ATPAF1: variants seen among roughly 807,000 people sequenced by gnomAD.
ATPAF1 encodes ATP synthase mitochondrial F1 complex assembly factor 1, also known as homolog of yeast ATP11.
Under a neutral mutation model 43.9 loss-of-function variants are expected in ATPAF1, and 26 were observed. The ratio of observed to expected loss-of-function variants is 0.59; its 90% CI spans 0.43 to 0.82. ATPAF1 has a LOEUF of 0.82. Ranked by LOEUF, ATPAF1 falls within the 40% of genes least tolerant of loss-of-function variation. The pLI, the probability that ATPAF1 is intolerant of heterozygous loss-of-function variation, is 0.00. For synonymous variants in ATPAF1, 157 were observed against 168.0 expected, an observed-to-expected ratio of 0.93 and a Z score of 0.50; for missense variants, 366 against 435.0, an observed-to-expected ratio of 0.84 and a Z score of 1.41.
downstream of ATPAF1, chr1:46,633,895 G>C: frequency 2.2e-6 from 1 of 452,632 alleles, no homozygotes. Context: ...AAAAATTCTT[G>C]GGACCCAAAA....
At chr1:46,668,368 C>T (rs1293191956), upstream of ATPAF1, 5 of 1,271,062 alleles carry the variant, frequency 3.9e-6, no homozygotes, top group South Asian at 1.2e-4. The surrounding 1 kb of genome is among the most constrained non-coding windows in gnomAD (Gnocchi z 4.4). Flanking sequence ...CGGCCTCGGC[C>T]CGCGGCCCGC....
intron 8 of ATPAF1, among the ~76,000 whole-genome samples, chr1:46,637,187 G>A (rs1377083805): frequency 6.6e-6 from 1 of 152,198 alleles, no homozygotes; most frequent in Non-Finnish European, 1.5e-5. Context: ...AGCAATAGCA[G>A]AGAAATGGTG....
chr1:46,633,189 A>G (rs1362487808), downstream of ATPAF1: 1 of 154,464 alleles, frequency 6.5e-6, no homozygotes, highest in African/African-American at 2.4e-5. Flanking sequence ...AAAGCACTTT[A>G]GGTGATGCTA....
At chr1:46,665,235 A>G (rs925927924) in intron 2 of ATPAF1, 21 bp downstream of exon 2, 1 of 1,612,170 alleles carries the variant, frequency 6.2e-7, no homozygotes, top group Non-Finnish European at 8.5e-7. Flanking sequence ...AGCAAACACC[A>G]CAAATGGGGG....
rs534251067 is a variant in ATPAF1, at chr1:46,653,028, G to C, written c.541-400C>G. 2.6e-5 allele frequency among the ~76,000 whole-genome samples: 4 copies of C among 151,770 alleles called. No individual in the cohort carries two copies. In the East Asian group the frequency reaches 7.7e-4, roughly 29 times the overall value. Reference sequence around the variant, plus strand: ...GTAGGATAAGGGTATATATATATGAGAGATTAAAAAAAAAGATAGCGATAC... The same window carrying C: ...GTAGGATAAGGGTATATATATATGACAGATTAAAAAAAAAGATAGCGATAC... On this transcript the variant is annotated intron_variant, in intron 5 of 8. Transcript: ENST00000574428. This position sits in a 1 kb window ranked among gnomAD's most constrained non-coding sequence, Gnocchi z 4.8.
At chr1:46,633,942 AG>A (rs1286631995), downstream of ATPAF1, 1 of 419,008 alleles carries the variant, frequency 2.4e-6, no homozygotes, top group Non-Finnish European at 4.7e-6. Context: ...TGAAAATGGC[AG>A]GGCAGATAAG....
chr1:46,645,193 C>T (rs536538629), exon 7 of ATPAF1: 2 of 1,613,974 alleles, frequency 1.2e-6, no homozygotes, highest in African/African-American at 2.7e-5. Flanking sequence ...AAGTGGAGTT[C>T]AGTACCTGTC....
At chr1:46,655,933 G>A (rs1023597815) in intron 4 of ATPAF1, among the ~76,000 whole-genome samples, 2 of 152,112 alleles carry the variant, frequency 1.3e-5, no homozygotes, top group Non-Finnish European at 2.9e-5. Flanking sequence ...TTTGCATATG[G>A]ATCTATTTCC....
At chr1:46,665,749 C>T (rs1676479740) in intron 1 of ATPAF1, 5 of 1,517,648 alleles carry the variant, frequency 3.3e-6, no homozygotes, top group Non-Finnish European at 2.6e-6. Context: ...TTGAATACAT[C>T]CAGTTCTTGA....
In ATPAF1 at chr1:46,661,035, A is replaced by C. The variant is rs1180575023; in HGVS notation, c.376-2298T>G. 3.3e-5 allele frequency among the ~76,000 whole-genome samples: 5 copies of C among 151,652 alleles called. No homozygotes were observed. In the East Asian group the frequency reaches 9.7e-4, roughly 29 times the overall value. On this transcript the variant is annotated intron_variant, in intron 2 of 8. Coordinates refer to ENST00000574428, the Ensembl canonical transcript of ATPAF1. ...AACTTGAAAGATTCCACATTGTGGA[A>C]TCATAGGTCACTGATAACAACACTG...
intron 6 of ATPAF1, among the ~76,000 whole-genome samples, chr1:46,651,918 A>G (rs546571453): frequency 3.5e-4 from 53 of 152,310 alleles, no homozygotes; most frequent in African/African-American, 1.3e-3. Flanking sequence ...GCAGCCAAAA[A>G]ACACAAGAAA....
intron 3 of ATPAF1, 91 bp from the exon 4 acceptor site, chr1:46,658,280 AG>A (rs949306918): frequency 9.8e-7 from 1 of 1,016,664 alleles, no homozygotes; most frequent in Non-Finnish European, 1.5e-6. Flanking sequence ...CAAACATGTC[AG>A]GACAATGAAA....
In ATPAF1 at chr1:46,648,121, TA is replaced by T. The variant is rs1319403183; in HGVS notation, c.589-2866del. Reference sequence around the variant, plus strand: ...TGATGAAATCTAATTTATTTATTATTATTTTTTTGAGACAGAATCTCACTCT... The same window carrying T: ...TGATGAAATCTAATTTATTTATTATTTTTTTTTGAGACAGAATCTCACTCT... On this transcript the variant is annotated intron_variant, in intron 6 of 8. Transcript: ENST00000574428. 5.9e-5 allele frequency among the ~76,000 whole-genome samples: 9 copies of T among 152,202 alleles called. No individual in the cohort carries two copies. The South Asian group carries it at 1.4e-3, about 24-fold the overall frequency.
At chr1:46,657,680 T>C (rs543268960) in intron 4 of ATPAF1, among the ~76,000 whole-genome samples, 2 of 152,284 alleles carry the variant, frequency 1.3e-5, no homozygotes, top group East Asian at 1.9e-4. Context: ...GTCCTATAGA[T>C]AGTGGCAGAG....
At position 46,643,307 on chromosome 1, in the gene ATPAF1, A is replaced by T. The variant is rs904012563; in HGVS notation, c.685-6T>A. On this transcript the variant is annotated splice_polypyrimidine_tract_variant and splice_region_variant and intron_variant, in intron 7 of 8. Coordinates refer to ENST00000574428, the Ensembl canonical transcript of ATPAF1. ...GCTGCAGCTTCCCCTCGGGTCTGCA[A>T]GGTGGAACACTTATCAAGGCTCAAT... is the stretch of plus-strand genomic sequence containing the variant. The T allele has an allele frequency of 1.2e-5, 20 of 1,602,360 alleles. No individual in the cohort carries two copies. Among genetic ancestry groups the T allele is most frequent in the Non-Finnish European group, 1.5e-5 (17 of 1,170,890 alleles).
At chr1:46,654,400 T>G (rs1168189641) in intron 4 of ATPAF1, among the ~76,000 whole-genome samples, 1 of 152,182 alleles carries the variant, frequency 6.6e-6, no homozygotes, top group East Asian at 1.9e-4. Context: ...AATGTAGGTC[T>G]GTGCTTAGCT....
intron 7 of ATPAF1, among the ~76,000 whole-genome samples, chr1:46,644,956 G>T (rs1676013114): frequency 6.6e-6 from 1 of 152,218 alleles, no homozygotes; most frequent in South Asian, 2.1e-4. Context: ...GTCAGAGAAG[G>T]TGTTTTGGAG....
intron 4 of ATPAF1, among the ~76,000 whole-genome samples, chr1:46,654,882 A>G (rs1676240415): frequency 6.6e-6 from 1 of 152,042 alleles, no homozygotes; most frequent in Non-Finnish European, 1.5e-5. Flanking sequence ...ATGCTTTTTT[A>G]TGGCTGCATA....
In ATPAF1 at chr1:46,661,776, G is replaced by A. The variant is rs78970959; in HGVS notation, c.376-3039C>T. ...TGGGAATGGAAAATATGTGTTAGCCGTTAGCCTTCCTCTATCTAGCTAGAT... is the reference window on the plus strand; with the variant it reads ...TGGGAATGGAAAATATGTGTTAGCCATTAGCCTTCCTCTATCTAGCTAGAT... On this transcript the variant is annotated intron_variant, in intron 2 of 8. Transcript: ENST00000574428. 3.9e-3 allele frequency among the ~76,000 whole-genome samples: 600 copies of A among 152,134 alleles called. 19 individuals carry two copies. In the East Asian group the frequency reaches 0.082, roughly 21 times the overall value.
Sources: gnomAD v4.1 joint callset for allele counts (sites outside exome capture counted in the v4.1 genomes callset) on GRCh38, gnomAD v4.1.1 for gene constraint, Gnocchi (gnomAD v3.1) non-coding constraint, MANE v1.5 for transcripts, NCBI Gene and HGNC (gene_info 2026-07-23, HGNC 2026-07-21) for gene names.